The following MAP1B variants were observed in gnomAD, a reference collection of about 807,000 sequenced individuals.
The protein encoded by MAP1B is microtubule-associated protein 1B.
In MAP1B, 12 loss-of-function variants were observed where a neutral mutation model predicts 176.1. That is an observed-to-expected ratio of 0.07 (90% confidence interval 0.04 to 0.11). The LOEUF is 0.11. Ranked by LOEUF, MAP1B falls within the 10% of genes least tolerant of loss-of-function variation. MAP1B has a pLI of 1.00. For missense variants in MAP1B, 2,523 were observed against 2,990.5 expected, an observed-to-expected ratio of 0.84 and a Z score of 3.65; for synonymous variants, 1,044 against 1,135.0, an observed-to-expected ratio of 0.92 and a Z score of 1.61.
rs1473213936 is a variant in MAP1B at position 72,195,814 on chromosome 5, C to T, written c.2459C>T (p.Ala820Val). 7 of 1,614,222 alleles carry T rather than the reference C, an allele frequency of 4.3e-6. No individual in the cohort carries two copies. Among genetic ancestry groups the T allele is most frequent in the Non-Finnish European group, 5.1e-6 (6 of 1,180,044 alleles). The change falls in exon 5 of 7, where the codon GCC (alanine) becomes GTC (valine). Residue 820 changes from alanine (A) to valine (V), a missense_variant. Transcript: ENST00000296755. ...GCTGGAATAGCAGCCATTGGCCCTGCCAAAGAACTCGAAGCTGAGAGGTCC... is the reference window on the plus strand; with the variant it reads ...GCTGGAATAGCAGCCATTGGCCCTGTCAAAGAACTCGAAGCTGAGAGGTCC... Reference protein sequence around the residue: ...AAAGIAAIGPAKELEAERSLM... With the variant: ...AAAGIAAIGPVKELEAERSLM...
chr5:72,131,205 A>G (rs1745727253), intron 2 of MAP1B, among the ~76,000 whole-genome samples: 1 of 152,196 alleles, frequency 6.6e-6, no homozygotes, highest in South Asian at 2.1e-4. Context: ...TAAATATGTA[A>G]AAGGAGAAAC....
chr5:72,209,325 C>G lies in MAP1B; in HGVS notation c.*4086C>G, dbSNP rs1747519567. The G allele has an allele frequency of 6.6e-6, 1 of 152,178 alleles. No individual in the cohort carries two copies. Among genetic ancestry groups the G allele is most frequent in the African/African-American group, 2.4e-5 (1 of 41,436 alleles). The allele number at this position is 152,178 out of a possible 1,614,324, so 9.4% of individuals were successfully genotyped here. A position where few individuals can be genotyped will look rare whatever the true frequency, so the allele number is the denominator to read the frequency against. On this transcript the variant is annotated 3_prime_UTR_variant, in exon 7 of 7. Transcript: ENST00000296755. ...CCCAGCTGAGAAGCACTTCACACTCCTCTCTCTTGTTCTGAATGGTGTTTG... is the reference window on the plus strand; with the variant it reads ...CCCAGCTGAGAAGCACTTCACACTCGTCTCTCTTGTTCTGAATGGTGTTTG...
chr5:72,171,310 A>G (rs1049093950), intron 2 of MAP1B, among the ~76,000 whole-genome samples: 3 of 152,294 alleles, frequency 2.0e-5, no homozygotes, highest in African/African-American at 7.2e-5. Context: ...TAAGAAGGAC[A>G]GCTGCAGTGG....
At chr5:72,158,251 G>A (rs983471730) in intron 2 of MAP1B, among the ~76,000 whole-genome samples, 2 of 146,084 alleles carry the variant, frequency 1.4e-5, no homozygotes, top group Admixed American at 1.4e-4. Flanking sequence ...CTTGTGATCC[G>A]CTCACCTCAG....
intron 2 of MAP1B, among the ~76,000 whole-genome samples, chr5:72,160,459 C>T (rs1431951762): frequency 6.6e-6 from 1 of 152,058 alleles, no homozygotes; most frequent in Non-Finnish European, 1.5e-5. Context: ...TGGCTGATTA[C>T]ATTGTTTAGA....
intron 2 of MAP1B, among the ~76,000 whole-genome samples, chr5:72,152,100 C>G (rs932251433): frequency 6.6e-6 from 1 of 152,208 alleles, no homozygotes; most frequent in Non-Finnish European, 1.5e-5. Context: ...TTTACCATGC[C>G]ATGATCCAAT....
At chr5:72,110,438 C>T (rs372706121) in intron 1 of MAP1B, among the ~76,000 whole-genome samples, 2 of 152,324 alleles carry the variant, frequency 1.3e-5, no homozygotes, top group African/African-American at 4.8e-5. Flanking sequence ...GATGCAGGCC[C>T]TTCCAGCGCT....
chr5:72,152,767 A>G (rs527788304), intron 2 of MAP1B, among the ~76,000 whole-genome samples: 83 of 152,328 alleles, frequency 5.4e-4, no homozygotes, highest in African/African-American at 1.9e-3. Flanking sequence ...TTATAAATCA[A>G]CCAAGTTTCT....
In MAP1B at chr5:72,183,778, G is replaced by C. The variant is rs1367779857; in HGVS notation, c.322G>C (p.Glu108Gln). The C allele has an allele frequency of 6.2e-7, 1 of 1,614,114 alleles. No homozygotes were observed. The highest frequency in any genetic ancestry group is 1.7e-5 in the Admixed American group (1 of 60,010). Residue 108 changes from glutamate (E) to glutamine (Q), a missense_variant, in exon 3 of 7, where the codon GAA becomes CAA. By Grantham distance (29) the Glu-to-Gln change is conservative. Around this residue, in one of 4 missense-constraint regions of MAP1B, gnomAD observed 307 missense variants for 438.4 expected, o/e 0.70. Coordinates refer to ENST00000296755, the MANE Select transcript of MAP1B (RefSeq NM_005909.5). ...CCTTCATCACCGAAGTGACGTTTTAGAAACAGTGGTCCTGATCAACCCTTC... is the reference window on the plus strand; with the variant it reads ...CCTTCATCACCGAAGTGACGTTTTACAAACAGTGGTCCTGATCAACCCTTC... Reference protein sequence around the residue: ...KILHHRSDVLETVVLINPSDE... With the variant: ...KILHHRSDVLQTVVLINPSDE...
chr5:72,184,403 C>A (rs185897951), intron 3 of MAP1B, among the ~76,000 whole-genome samples: 1 of 152,306 alleles, frequency 6.6e-6, no homozygotes, highest in East Asian at 1.9e-4. Context: ...TCCGTTTGCA[C>A]CTCTGTAAAA....
intron 2 of MAP1B, among the ~76,000 whole-genome samples, chr5:72,153,861 T>C (rs1018167445): frequency 2.6e-5 from 4 of 152,088 alleles, no homozygotes; most frequent in Non-Finnish European, 5.9e-5. Context: ...CACAAAGACA[T>C]TCCCCCCAAA....
chr5:72,187,477 C>G (rs988896668), intron 4 of MAP1B, among the ~76,000 whole-genome samples: 14 of 152,150 alleles, frequency 9.2e-5, no homozygotes, highest in African/African-American at 3.1e-4. Flanking sequence ...CCTTGTTTAT[C>G]TAGCTTACAT....
chr5:72,145,829 A>G (rs1333843902), intron 2 of MAP1B, among the ~76,000 whole-genome samples: 3 of 152,188 alleles, frequency 2.0e-5, no homozygotes, highest in African/African-American at 7.2e-5. Flanking sequence ...TGTTTTAGAA[A>G]TGTCATTTAT....
intron 6 of MAP1B, 36 bp from the exon 7 acceptor site, chr5:72,205,048 C>T: frequency 6.4e-7 from 1 of 1,574,624 alleles, no homozygotes; most frequent in Non-Finnish European, 8.6e-7. Flanking sequence ...TCTGTTTCTG[C>T]CCTTAAATAG....
intron 2 of MAP1B, among the ~76,000 whole-genome samples, chr5:72,168,789 TA>T (rs1340569984): frequency 3.9e-5 from 6 of 152,358 alleles, no homozygotes; most frequent in Non-Finnish European, 7.3e-5. Flanking sequence ...TCAGGAGAGC[TA>T]CGTCTGTTGG....
At chr5:72,154,598 T>C (rs1316235663) in intron 2 of MAP1B, among the ~76,000 whole-genome samples, 4 of 152,096 alleles carry the variant, frequency 2.6e-5, no homozygotes, top group Non-Finnish European at 2.9e-5. Context: ...AGAGTTTTCC[T>C]GAATAAACAA....
At chr5:72,136,102 G>A (rs1282303777) in intron 2 of MAP1B, among the ~76,000 whole-genome samples, 1 of 152,174 alleles carries the variant, frequency 6.6e-6, no homozygotes, top group East Asian at 1.9e-4. Context: ...GCACTGCCTT[G>A]TGCTGAGTAC....
At position 72,194,569 on chromosome 5, in the gene MAP1B, C is replaced by A. The variant is rs763501445; in HGVS notation, c.1214C>A (p.Thr405Asn). The change falls in exon 5 of 7, where the codon ACT (threonine) becomes AAT (asparagine). Residue 405 changes from threonine (T) to asparagine (N), a missense_variant. Thr to Asn is a moderately conservative substitution (Grantham distance 65). Coordinates refer to ENST00000296755, the MANE Select transcript of MAP1B (RefSeq NM_005909.5). This position sits in a 1 kb window ranked among gnomAD's most constrained non-coding sequence, Gnocchi z 7.2. ...PEPLFRSVGNTIDPVILFQKM... is the reference protein window; with the variant it reads ...PEPLFRSVGNNIDPVILFQKM... ...CCTCTGTTTAGAAGTGTAGGCAATA[C>A]TATTGATCCTGTCATTCTTTTCCAA... is the stretch of plus-strand genomic sequence containing the variant. The A allele has an allele frequency of 5.6e-6, 9 of 1,614,104 alleles. No homozygotes were observed. The highest frequency in any genetic ancestry group is 7.6e-6 in the Non-Finnish European group (9 of 1,180,042).
intron 2 of MAP1B, among the ~76,000 whole-genome samples, chr5:72,168,617 G>C (rs1746475229): frequency 6.6e-6 from 1 of 152,180 alleles, no homozygotes; most frequent in Non-Finnish European, 1.5e-5. Context: ...CTGGGGATTT[G>C]CTCAAGGGCA....
Sources: gnomAD v4.1 joint callset for allele counts (sites outside exome capture counted in the v4.1 genomes callset) on GRCh38, gnomAD v4.1.1 for gene constraint, gnomAD v4.1.1 regional missense constraint, Gnocchi (gnomAD v3.1) non-coding constraint, MANE v1.5 for transcripts, NCBI Gene and HGNC (gene_info 2026-07-23, HGNC 2026-07-21) for gene names.